MACROD2: variants seen among roughly 807,000 people sequenced by gnomAD.
MACROD2 encodes the protein mono-ADP ribosylhydrolase 2, also known as ADP-ribose glycohydrolase MACROD2.
MACROD2 carries 36 observed loss-of-function variants against 70.4 expected under a neutral mutation model. The observed-to-expected ratio is 0.51, with a 90% CI of 0.39 to 0.68. The LOEUF (loss-of-function observed/expected upper bound fraction) is 0.68. MACROD2 is among the 30% of genes least tolerant of loss of function. The pLI is 0.00. For synonymous variants in MACROD2, 172 were observed against 178.8 expected (o/e 0.96, Z 0.30); for missense variants, 496 against 538.4 (o/e 0.92, Z 0.78).
intron 3 of MACROD2, among the ~76,000 whole-genome samples, chr20:14,484,788 G>C (rs1018513277): frequency 2.6e-5 from 4 of 152,068 alleles, no homozygotes; most frequent in Admixed American, 6.6e-5. Flanking sequence ...TTATTCTGAC[G>C]GAATACTACT....
intron 15 of MACROD2, among the ~76,000 whole-genome samples, chr20:16,016,759 C>T (rs747564127): frequency 3.9e-5 from 6 of 152,086 alleles, no homozygotes; most frequent in South Asian, 2.1e-4. Flanking sequence ...TGGTCTCGAA[C>T]GAAACTGAGC....
At chr20:14,118,571 A>G (rs1202493286) in intron 3 of MACROD2, among the ~76,000 whole-genome samples, 1 of 152,188 alleles carries the variant, frequency 6.6e-6, no homozygotes, top group Non-Finnish European at 1.5e-5. Flanking sequence ...GGATCTCACA[A>G]TGGAAGGCAG....
rs189756177 is a variant in MACROD2 at position 15,162,502 on chromosome 20, T to C, written c.419-67438T>C. 4.3e-4 allele frequency among the ~76,000 whole-genome samples: 65 copies of C among 152,130 alleles called. 2 individuals are homozygous for C. In the East Asian group the frequency reaches 0.013, roughly 29 times the overall value. On this transcript the variant is annotated intron_variant, in intron 5 of 17. Coordinates refer to ENST00000684519, the MANE Select transcript of MACROD2 (RefSeq NM_001351661.2). ...TGGCTATGTCCATGACTACTACAAATGGAAAATGAAAGTAGAACTAAAACT... is the reference window on the plus strand; with the variant it reads ...TGGCTATGTCCATGACTACTACAAACGGAAAATGAAAGTAGAACTAAAACT...
chr20:14,679,006 A>C (rs1016521019), intron 4 of MACROD2, among the ~76,000 whole-genome samples: 2 of 152,128 alleles, frequency 1.3e-5, no homozygotes, highest in African/African-American at 2.4e-5. Context: ...AATCAAAATC[A>C]ACTGTATTAA....
At chr20:14,277,177 C>T (rs1297451165) in intron 3 of MACROD2, among the ~76,000 whole-genome samples, 1 of 152,096 alleles carries the variant, frequency 6.6e-6, no homozygotes, top group East Asian at 1.9e-4. Context: ...CATGGTGGCA[C>T]TGTGGCTCAC....
chr20:15,210,980 C>T (rs541123354), intron 5 of MACROD2, among the ~76,000 whole-genome samples: 2 of 152,146 alleles, frequency 1.3e-5, no homozygotes, highest in Non-Finnish European at 2.9e-5. Context: ...TTTTTTCAAA[C>T]GTACAATTCA....
intron 8 of MACROD2, among the ~76,000 whole-genome samples, chr20:15,674,053 T>C (rs2050020853): frequency 6.6e-6 from 1 of 152,160 alleles, no homozygotes; most frequent in South Asian, 2.1e-4. Flanking sequence ...CATCTATAGA[T>C]CCTGTGAACC....
intron 8 of MACROD2, among the ~76,000 whole-genome samples, chr20:15,615,924 G>A (rs917796367): frequency 6.6e-6 from 1 of 152,018 alleles, no homozygotes; most frequent in African/African-American, 2.4e-5. Flanking sequence ...TATTAAACCA[G>A]GAGTGACTGA....
chr20:14,364,369 A>AG (rs2083252993), intron 3 of MACROD2, among the ~76,000 whole-genome samples: 2 of 152,136 alleles, frequency 1.3e-5, no homozygotes, highest in African/African-American at 4.8e-5. Flanking sequence ...GATCTTACAA[A>AG]GGTTTAGTTT....
intron 4 of MACROD2, among the ~76,000 whole-genome samples, chr20:14,634,105 C>G (rs1204838753): frequency 6.6e-6 from 1 of 152,208 alleles, no homozygotes; most frequent in Non-Finnish European, 1.5e-5. Context: ...CACAACCCGC[C>G]ACACCCCCAC....
chr20:15,142,586 T>C (rs1250645833), intron 5 of MACROD2, among the ~76,000 whole-genome samples: 1 of 152,166 alleles, frequency 6.6e-6, no homozygotes, highest in African/African-American at 2.4e-5. Context: ...TATGTATACA[T>C]GTGCCATGTT....
At chr20:14,695,440 C>T (rs560947373) in intron 5 of MACROD2, among the ~76,000 whole-genome samples, 20 of 152,280 alleles carry the variant, frequency 1.3e-4, no homozygotes, top group East Asian at 1.9e-4. Context: ...ATTGCATTTA[C>T]GTAGATCCTT....
chr20:15,971,889 T>A (rs1286146282), intron 13 of MACROD2, among the ~76,000 whole-genome samples: 1 of 152,178 alleles, frequency 6.6e-6, no homozygotes, highest in African/African-American at 2.4e-5. Flanking sequence ...GAAAAGTTGA[T>A]AAATGGAACT....
At position 15,114,615 on chromosome 20, in the gene MACROD2, G is replaced by A. The variant is rs371573275; in HGVS notation, c.419-115325G>A. The stretch of plus-strand genomic sequence containing the variant: ...TGACACTTTGATTGAATCCAATTAA[G>A]CCATGCCCAGACTTCTGATCCATGG... On this transcript the variant is annotated intron_variant, in intron 5 of 17. Transcript: ENST00000684519. Among the ~76,000 whole-genome samples, 5 of 152,266 alleles carry A rather than the reference G, an allele frequency of 3.3e-5. No homozygotes were observed. In the East Asian group the frequency reaches 9.7e-4, roughly 29 times the overall value.
intron 15 of MACROD2, among the ~76,000 whole-genome samples, chr20:15,987,906 A>G (rs905644467): frequency 1.8e-4 from 27 of 152,330 alleles, no homozygotes; most frequent in African/African-American, 6.5e-4. Flanking sequence ...TATATCATAA[A>G]TCATACTGCT....
intron 5 of MACROD2, among the ~76,000 whole-genome samples, chr20:14,834,895 A>G (rs1354693819): frequency 2.0e-5 from 3 of 152,092 alleles, no homozygotes; most frequent in Non-Finnish European, 4.4e-5. Flanking sequence ...TGTATAGTCT[A>G]TACAGATTGA....
intron 4 of MACROD2, among the ~76,000 whole-genome samples, chr20:14,653,537 T>C (rs1459966619): frequency 1.4e-5 from 2 of 146,270 alleles, no homozygotes; most frequent in Admixed American, 1.4e-4. Context: ...TTTTTTTTTT[T>C]AAGAGATGAG....
At chr20:14,325,928 A>G (rs2082725869) in intron 3 of MACROD2, 2 of 1,613,902 alleles carry the variant, frequency 1.2e-6, no homozygotes, top group Non-Finnish European at 1.7e-6. Context: ...GCCAAAGGTA[A>G]ATTGGGGTTT....
chr20:15,243,689 G>A (rs1055395246), intron 6 of MACROD2, among the ~76,000 whole-genome samples: 23 of 152,072 alleles, frequency 1.5e-4, no homozygotes, highest in African/African-American at 5.3e-4. Context: ...GCCGAGGCGG[G>A]CAAATCACGA....
Sources: allele counts gnomAD v4.1 joint callset (sites outside exome capture counted in the v4.1 genomes callset), GRCh38; gene constraint gnomAD v4.1.1; transcripts MANE v1.5; gene names NCBI Gene and HGNC (gene_info 2026-07-23, HGNC 2026-07-21).